Variants in PPFIA2 observed in about 807,000 individuals in gnomAD.
PPFIA2 encodes the protein PPFI scaffold protein A2, also known as liprin-alpha-2.
Under a neutral mutation model 175.5 loss-of-function variants are expected in PPFIA2, and 46 were observed. The ratio of observed to expected loss-of-function variants is 0.26; its 90% confidence interval spans 0.21 to 0.34. The LOEUF (loss-of-function observed/expected upper bound fraction) is 0.34, where lower values mean the gene tolerates loss of function less well. Among genes scored for constraint, PPFIA2 ranks in the 10% least tolerant of loss-of-function variants. The probability of loss-of-function intolerance (pLI) is 1.00; values close to 1 mark genes in which losing one functional copy is unlikely to be tolerated. For synonymous variants in PPFIA2, 568 were observed against 511.4 expected, an observed-to-expected ratio of 1.11 and a Z score of -1.49; for missense variants, 1,179 against 1,506.1, an observed-to-expected ratio of 0.78 and a Z score of 3.60.
chr12:81,533,495 C>G (rs2064893227), intron 4 of PPFIA2, among the ~76,000 whole-genome samples: 1 of 151,568 alleles, frequency 6.6e-6, no homozygotes, highest in Non-Finnish European at 1.5e-5. Flanking sequence ...TACAGACTTT[C>G]TGCAGTGATT....
At chr12:81,284,807 G>A (rs919194252) in intron 24 of PPFIA2, among the ~76,000 whole-genome samples, 5 of 152,114 alleles carry the variant, frequency 3.3e-5, no homozygotes, top group Admixed American at 6.6e-5. Context: ...AAGCATTATC[G>A]TAACTTATCT....
chr12:81,485,529 A>C (rs558115701), intron 4 of PPFIA2, among the ~76,000 whole-genome samples: 144 of 151,834 alleles, frequency 9.5e-4, no homozygotes, highest in African/African-American at 3.3e-3. Context: ...CAAATCTGTC[A>C]CCCCTTTTGT....
chr12:81,463,673 C>T (rs1214578681), intron 4 of PPFIA2, among the ~76,000 whole-genome samples: 1 of 151,946 alleles, frequency 6.6e-6, no homozygotes, highest in Non-Finnish European at 1.5e-5. Flanking sequence ...GTTTTTAGTG[C>T]TGGGAAGATG....
chr12:81,748,581 G>A (rs1241064076), intron 3 of PPFIA2, among the ~76,000 whole-genome samples: 2 of 144,538 alleles, frequency 1.4e-5, no homozygotes, highest in African/African-American at 4.9e-5. Flanking sequence ...GGCTGTCCTG[G>A]ATCAGAATCA....
intron 11 of PPFIA2, among the ~76,000 whole-genome samples, chr12:81,371,074 G>A (rs1033881431): frequency 4.6e-5 from 7 of 151,752 alleles, no homozygotes. Context: ...ATTCTGGTGT[G>A]CTTATGCAAA....
At chr12:81,629,145 T>C (rs2063070181) in intron 4 of PPFIA2, among the ~76,000 whole-genome samples, 2 of 152,288 alleles carry the variant, frequency 1.3e-5, no homozygotes, top group South Asian at 4.1e-4. Flanking sequence ...TTGAAAATGT[T>C]TATGTAACAA....
In PPFIA2 at chr12:81,664,089, G is replaced by A. The variant is rs1353547573; in HGVS notation, c.303+12702C>T. ...TAGACCTAAAACCATAAAAACCCTA[G>A]AAGAAAACCTAGGCAATACCATTCA... On this transcript the variant is annotated intron_variant, in intron 4 of 32. Transcript: ENST00000549396. Among the ~76,000 whole-genome samples, 52 of 152,194 alleles carry A rather than the reference G, an allele frequency of 3.4e-4. 1 individual carries two copies. The highest frequency in any genetic ancestry group is 8.8e-5 in the Non-Finnish European group (6 of 68,036).
chr12:81,700,776 C>T (rs1941710540), intron 3 of PPFIA2, among the ~76,000 whole-genome samples: 1 of 152,020 alleles, frequency 6.6e-6, no homozygotes, highest in African/African-American at 2.4e-5. Flanking sequence ...ACCAAAATAA[C>T]TAACATCGGT....
intron 7 of PPFIA2, 191 bp downstream of exon 7, chr12:81,439,781 T>C (rs1206662315): frequency 3.6e-6 from 2 of 561,474 alleles, no homozygotes; most frequent in Non-Finnish European, 6.1e-6. Flanking sequence ...TTTGGTCTAG[T>C]AGTGACACAT....
In PPFIA2 at chr12:81,429,114, G is replaced by C. The variant is rs369333077; in HGVS notation, c.645+10858C>G. On this transcript the variant is annotated intron_variant, in intron 7 of 32. Transcript: ENST00000549396. ...CCTAATGTTTAAAATAAGCTAATCA[G>C]TGGAATTAGAATATGTAGCATGCAT... Among the ~76,000 whole-genome samples, 10 of 152,048 alleles carry C rather than the reference G, an allele frequency of 6.6e-5. No homozygotes were observed. In the East Asian group the frequency reaches 7.7e-4, roughly 12 times the overall value.
intron 4 of PPFIA2, among the ~76,000 whole-genome samples, chr12:81,634,941 T>C (rs1204038034): frequency 6.6e-6 from 1 of 152,164 alleles, no homozygotes; most frequent in Non-Finnish European, 1.5e-5. Context: ...ACTTCCAACA[T>C]ATCTTCATTG....
intron 21 of PPFIA2, among the ~76,000 whole-genome samples, chr12:81,332,061 C>G (rs1467718141): frequency 6.6e-6 from 1 of 151,984 alleles, no homozygotes; most frequent in African/African-American, 2.4e-5. Context: ...TCTCCATACA[C>G]TATCATCATT....
intron 4 of PPFIA2, among the ~76,000 whole-genome samples, chr12:81,485,510 C>T (rs2058715886): frequency 6.6e-6 from 1 of 151,752 alleles, no homozygotes; most frequent in Non-Finnish European, 1.5e-5. Context: ...AGATATACAA[C>T]TCTCACCTCA....
Position 81,648,742 on chromosome 12 carries a change from A to C in PPFIA2, c.303+28049T>G, listed in dbSNP as rs116248286. On this transcript the variant is annotated intron_variant, in intron 4 of 32. Coordinates refer to ENST00000549396, the MANE Select transcript of PPFIA2 (RefSeq NM_003625.5). ...CAAAATTGTAGCTCTTTCAAGGATT[A>C]GTATAAAATTGCAGTAATAATGACT... Among the ~76,000 whole-genome samples, 684 of 152,104 alleles carry C rather than the reference A, an allele frequency of 4.5e-3. 4 individuals carry two copies. The highest frequency in any genetic ancestry group is 0.015 in the African/African-American group (639 of 41,556).
chr12:81,332,854 T>C (rs926709462), intron 21 of PPFIA2, among the ~76,000 whole-genome samples: 1 of 152,192 alleles, frequency 6.6e-6, no homozygotes, highest in Admixed American at 6.5e-5. Context: ...TCGATATGTA[T>C]AGAATGTGGA....
At chr12:81,341,313 A>T (rs925919023) in intron 19 of PPFIA2, 105 bp from the exon 20 acceptor site, 5 of 1,129,404 alleles carry the variant, frequency 4.4e-6, no homozygotes, top group Non-Finnish European at 6.1e-6. Context: ...ATTTTAATAC[A>T]AAATAAAACA....
chr12:81,621,053 A>T (rs1405985297), intron 4 of PPFIA2, among the ~76,000 whole-genome samples: 1 of 152,250 alleles, frequency 6.6e-6, no homozygotes, highest in Non-Finnish European at 1.5e-5. Context: ...ACCAATTTAT[A>T]TATCATGGTA....
At position 81,271,919 on chromosome 12, in the gene PPFIA2, G is replaced by GT. The variant is rs201940901; in HGVS notation, c.3311-3833dup. Among the ~76,000 whole-genome samples, 774 of 150,392 alleles carry GT rather than the reference G, an allele frequency of 5.1e-3. 3 individuals are homozygous for GT. The highest frequency in any genetic ancestry group is 8.6e-3 in the Non-Finnish European group (578 of 67,496). ...TTATTCTAATATTTCTTTTCTATTTGTTTTTTTTCTGGTGAAATAGTCTCT... is the reference window on the plus strand; with the variant it reads ...TTATTCTAATATTTCTTTTCTATTTGTTTTTTTTTCTGGTGAAATAGTCTCT... On this transcript the variant is annotated intron_variant, in intron 28 of 32. Transcript: ENST00000549396.
chr12:81,516,267 A>C (rs1216620899), intron 4 of PPFIA2, among the ~76,000 whole-genome samples: 1 of 152,110 alleles, frequency 6.6e-6, no homozygotes, highest in Admixed American at 6.6e-5. Context: ...TTCCTGAAAG[A>C]GTTCTTGTTG....
Sources: allele counts gnomAD v4.1 joint callset (sites outside exome capture counted in the v4.1 genomes callset), GRCh38; gene constraint gnomAD v4.1.1; transcripts MANE v1.5; gene names NCBI Gene and HGNC (gene_info 2026-07-23, HGNC 2026-07-21).